Variants in BRINP3 observed in about 807,000 individuals in gnomAD.
The protein encoded by BRINP3 is BMP/retinoic acid inducible neural specific 3.
In BRINP3, 19 loss-of-function variants were observed where a neutral mutation model predicts 71.0. The observed-to-expected ratio is 0.27, with a 90% confidence interval of 0.19 to 0.39. The LOEUF (loss-of-function observed/expected upper bound fraction) is 0.39, where lower values mean the gene tolerates loss of function less well. BRINP3 is among the 10% of genes least tolerant of loss of function. The pLI is 1.00. For synonymous variants in BRINP3, 380 were observed against 337.7 expected (o/e 1.13, Z -1.37); for missense variants, 959 against 940.8 (o/e 1.02, Z -0.25).
At chr1:190,236,453 C>T (rs914013422) in intron 4 of BRINP3, among the ~76,000 whole-genome samples, 1 of 151,984 alleles carries the variant, frequency 6.6e-6, no homozygotes, top group African/African-American at 2.4e-5. Context: ...GATACAGACA[C>T]ATTAACTCAA....
intron 2 of BRINP3, among the ~76,000 whole-genome samples, chr1:190,285,547 C>G (rs924996454): frequency 6.6e-6 from 1 of 151,654 alleles, no homozygotes; most frequent in Non-Finnish European, 1.5e-5. Flanking sequence ...GGCAGTGAAC[C>G]GAGATCATGC....
At chr1:190,181,851 T>C (rs1246652265) in intron 6 of BRINP3, among the ~76,000 whole-genome samples, 1 of 152,036 alleles carries the variant, frequency 6.6e-6, no homozygotes, top group Non-Finnish European at 1.5e-5. Flanking sequence ...CCTTCTGTTA[T>C]TTCTTTCTGT....
intron 7 of BRINP3, among the ~76,000 whole-genome samples, chr1:190,100,088 T>C (rs1468497207): frequency 6.6e-6 from 1 of 152,184 alleles, no homozygotes; most frequent in Non-Finnish European, 1.5e-5. Context: ...AGTTCTCTCA[T>C]ATGAAAAATG....
intron 4 of BRINP3, among the ~76,000 whole-genome samples, chr1:190,256,190 C>A (rs1211549621): frequency 6.6e-6 from 1 of 152,090 alleles, no homozygotes; most frequent in African/African-American, 2.4e-5. Flanking sequence ...ACTTCCAACT[C>A]TGTGGTCAAC....
chr1:190,300,752 A>T (rs1316630619), intron 2 of BRINP3, among the ~76,000 whole-genome samples: 1 of 152,140 alleles, frequency 6.6e-6, no homozygotes, highest in East Asian at 1.9e-4. Context: ...AGCAGAAAGG[A>T]CATCCACACC....
At chr1:190,155,365 A>G (rs1656776676) in intron 7 of BRINP3, among the ~76,000 whole-genome samples, 1 of 152,006 alleles carries the variant, frequency 6.6e-6, no homozygotes. Flanking sequence ...TCTATTCACA[A>G]CTCTGTGTTC....
chr1:190,332,024 T>C (rs1336757159), intron 2 of BRINP3, among the ~76,000 whole-genome samples: 1 of 152,014 alleles, frequency 6.6e-6, no homozygotes, highest in East Asian at 1.9e-4. Flanking sequence ...ATCAGACTAT[T>C]TGAATCTAAT....
intron 2 of BRINP3, among the ~76,000 whole-genome samples, chr1:190,348,399 A>G (rs771697439): frequency 6.6e-6 from 1 of 152,144 alleles, no homozygotes; most frequent in Non-Finnish European, 1.5e-5. Flanking sequence ...TAACTAACAA[A>G]TCTGAAGAGA....
intron 4 of BRINP3, among the ~76,000 whole-genome samples, chr1:190,261,030 C>T (rs1661140258): frequency 6.6e-6 from 1 of 151,502 alleles, no homozygotes; most frequent in Admixed American, 6.6e-5. Flanking sequence ...TTAGTAGAGT[C>T]CTATTATAAA....
chr1:190,134,757 T>C (rs1028332214), intron 7 of BRINP3, among the ~76,000 whole-genome samples: 3 of 152,090 alleles, frequency 2.0e-5, no homozygotes, highest in African/African-American at 7.2e-5. Flanking sequence ...CCCATGCTTT[T>C]GGGAGGGATA....
At chr1:190,434,099 GTTATTTATTTATTTATTT>G (rs1424792651) in intron 2 of BRINP3, among the ~76,000 whole-genome samples, 3 of 151,620 alleles carry the variant, frequency 2.0e-5, no homozygotes, top group Non-Finnish European at 4.4e-5. Flanking sequence ...TAAAGAAATG[GTTATTTATTTATTTATTT>G]TTATTTATTT....
intron 2 of BRINP3, among the ~76,000 whole-genome samples, chr1:190,336,351 A>C (rs1449184109): frequency 6.6e-6 from 1 of 152,112 alleles, no homozygotes; most frequent in Non-Finnish European, 1.5e-5. Context: ...ATAGTTACAT[A>C]GTTTTTTGTT....
chr1:190,463,051 A>G (rs955803398), intron 1 of BRINP3, among the ~76,000 whole-genome samples: 1 of 151,982 alleles, frequency 6.6e-6, no homozygotes, highest in Admixed American at 6.6e-5. Flanking sequence ...CATTTTTCAT[A>G]TTACATATGA....
chr1:190,324,905 A>C (rs1014695277), intron 2 of BRINP3, among the ~76,000 whole-genome samples: 3 of 151,942 alleles, frequency 2.0e-5, no homozygotes, highest in Non-Finnish European at 4.4e-5. Context: ...TATGATTCTC[A>C]GAGGGAGTAA....
intron 2 of BRINP3, among the ~76,000 whole-genome samples, chr1:190,321,318 T>A (rs1645811398): frequency 6.6e-6 from 1 of 152,128 alleles, no homozygotes; most frequent in South Asian, 2.1e-4. Flanking sequence ...GTAATTTGAA[T>A]TAAGTTAAAA....
chr1:190,285,794 G>A (rs1663379617), intron 2 of BRINP3, among the ~76,000 whole-genome samples: 1 of 151,568 alleles, frequency 6.6e-6, no homozygotes, highest in African/African-American at 2.4e-5. Context: ...TTCATTAAAT[G>A]TTGGAAAAAC....
chr1:190,100,380 G>GT (rs1651599214), intron 7 of BRINP3, among the ~76,000 whole-genome samples: 1 of 151,788 alleles, frequency 6.6e-6, no homozygotes, highest in Non-Finnish European at 1.5e-5. Context: ...TATTTATATT[G>GT]TTTTTCTCAT....
intron 2 of BRINP3, among the ~76,000 whole-genome samples, chr1:190,450,424 T>C (rs1252187176): frequency 6.6e-6 from 1 of 152,206 alleles, no homozygotes; most frequent in African/African-American, 2.4e-5. Context: ...TGTGTTGTTA[T>C]GAGTTTTCAT....
intron 6 of BRINP3, among the ~76,000 whole-genome samples, chr1:190,209,515 C>A (rs1655802849): frequency 6.6e-6 from 1 of 152,106 alleles, no homozygotes. Flanking sequence ...TACCTAACTT[C>A]AAATGTGCTG....
Sources: allele counts gnomAD v4.1 joint callset (sites outside exome capture counted in the v4.1 genomes callset), GRCh38; gene constraint gnomAD v4.1.1; transcripts MANE v1.5; gene names NCBI Gene and HGNC (gene_info 2026-07-23, HGNC 2026-07-21).